The following CENPW variants were observed in gnomAD, a reference collection of about 807,000 sequenced individuals.
The protein encoded by CENPW is cancer-up-regulated gene 2 protein.
In CENPW, 3 loss-of-function variants were observed where a neutral mutation model predicts 11.1. That is an observed-to-expected ratio of 0.27 (90% CI 0.12 to 0.70). CENPW has a LOEUF of 0.70. Among genes scored for constraint, CENPW ranks in the 30% least tolerant of loss-of-function variants. The pLI, the probability that CENPW is intolerant of heterozygous loss-of-function variation, is 0.77. For missense variants in CENPW, 100 were observed against 105.6 expected (o/e 0.95, Z 0.23); for synonymous variants, 38 against 42.0 (o/e 0.91, Z 0.37).
the CENPW span, among the ~76,000 whole-genome samples, chr6:126,385,208 A>G: frequency 6.6e-6 from 1 of 152,160 alleles, no homozygotes; most frequent in African/African-American, 2.4e-5. Context: ...CAGTTCCTCA[A>G]AGAGCTAAAA....
downstream of CENPW, among the ~76,000 whole-genome samples, chr6:126,352,311 T>A (rs1408820985): frequency 1.3e-5 from 2 of 152,112 alleles, no homozygotes; most frequent in Non-Finnish European, 2.9e-5. Flanking sequence ...CTGTGTTAGA[T>A]AATTCTTGCC....
chr6:126,445,943 A>G, the CENPW span, among the ~76,000 whole-genome samples: 1 of 151,150 alleles, frequency 6.6e-6, no homozygotes, highest in African/African-American at 2.4e-5. Flanking sequence ...CATCAAGCCC[A>G]AATTGAACAC....
the CENPW span, among the ~76,000 whole-genome samples, chr6:126,402,850 T>A: frequency 6.6e-6 from 1 of 152,114 alleles, no homozygotes; most frequent in Admixed American, 6.6e-5. Context: ...ATTATTTTAT[T>A]GTGCTTCACT....
At chr6:126,381,976 G>C in the CENPW span, among the ~76,000 whole-genome samples, 2 of 152,164 alleles carry the variant, frequency 1.3e-5, no homozygotes, top group Non-Finnish European at 2.9e-5. Context: ...GCTCACACCT[G>C]TAATCCCAGC....
At chr6:126,446,651 A>G in the CENPW span, among the ~76,000 whole-genome samples, 1 of 151,138 alleles carries the variant, frequency 6.6e-6, no homozygotes, top group Non-Finnish European at 1.5e-5. Context: ...AAAATAAAAT[A>G]AGTAAATGAA....
At chr6:126,444,810 C>T in the CENPW span, among the ~76,000 whole-genome samples, 2 of 151,092 alleles carry the variant, frequency 1.3e-5, no homozygotes, top group Non-Finnish European at 3.0e-5. Flanking sequence ...ATTCCTCTTC[C>T]TGATTTTAAA....
At chr6:126,369,359 C>T in the CENPW span, among the ~76,000 whole-genome samples, 1 of 152,208 alleles carries the variant, frequency 6.6e-6, no homozygotes, top group African/African-American at 2.4e-5. Flanking sequence ...AATCTCCACA[C>T]TTTTCCATAG....
chr6:126,425,256 A>G, the CENPW span, among the ~76,000 whole-genome samples: 6 of 152,142 alleles, frequency 3.9e-5, no homozygotes, highest in Non-Finnish European at 7.4e-5. Context: ...ATAAAAATAC[A>G]AAAAAATTAC....
the CENPW span, among the ~76,000 whole-genome samples, chr6:126,388,479 CTTG>C: frequency 6.6e-6 from 1 of 151,952 alleles, no homozygotes; most frequent in Non-Finnish European, 1.5e-5. Flanking sequence ...TGAAGTGGTT[CTTG>C]TTGTCATAGT....
chr6:126,407,171 A>G, the CENPW span, among the ~76,000 whole-genome samples: 1 of 152,146 alleles, frequency 6.6e-6, no homozygotes, highest in Non-Finnish European at 1.5e-5. Context: ...TTTGTAAGTG[A>G]GAACATAATG....
the CENPW span, among the ~76,000 whole-genome samples, chr6:126,425,105 T>C: frequency 6.6e-6 from 1 of 152,132 alleles, no homozygotes; most frequent in African/African-American, 2.4e-5. Flanking sequence ...TATAGATATT[T>C]TATAGTTCTC....
chr6:126,388,734 A>G, the CENPW span, among the ~76,000 whole-genome samples: 1 of 152,092 alleles, frequency 6.6e-6, no homozygotes, highest in South Asian at 2.1e-4. Context: ...TTTCACTTGG[A>G]AAGAAGATGA....
chr6:126,348,381 C>A (rs1780448700), intron 2 of CENPW, 85 bp from the exon 3 acceptor site: 1 of 772,218 alleles, frequency 1.3e-6, no homozygotes, highest in Non-Finnish European at 2.3e-6. Flanking sequence ...ATATTATGCA[C>A]CCAGGACTAT....
the CENPW span, among the ~76,000 whole-genome samples, chr6:126,411,218 A>T: frequency 6.6e-6 from 1 of 152,162 alleles, no homozygotes; most frequent in Non-Finnish European, 1.5e-5. Context: ...AGGTGCAGTG[A>T]TGTAGTCTCT....
At chr6:126,351,758 T>A (rs531982817), downstream of CENPW, among the ~76,000 whole-genome samples, 1 of 152,020 alleles carries the variant, frequency 6.6e-6, no homozygotes, top group Admixed American at 6.6e-5. Context: ...CAACTGTGGG[T>A]TTCATTTTTT....
At chr6:126,458,209 C>T in the CENPW span, among the ~76,000 whole-genome samples, 1 of 151,300 alleles carries the variant, frequency 6.6e-6, no homozygotes, top group Non-Finnish European at 1.5e-5. Flanking sequence ...CCCATCAGCA[C>T]ATGTACAGCT....
At chr6:126,481,653 C>T in the CENPW span, among the ~76,000 whole-genome samples, 4 of 152,002 alleles carry the variant, frequency 2.6e-5, no homozygotes, top group Admixed American at 2.6e-4. Context: ...CTTGAAGGTC[C>T]CACTCTTAAT....
chr6:126,455,285 T>C, the CENPW span, among the ~76,000 whole-genome samples: 1 of 151,534 alleles, frequency 6.6e-6, no homozygotes, highest in East Asian at 1.9e-4. Context: ...ATATTCTTGA[T>C]AAATATAGAT....
chr6:126,480,394 CTG>C, the CENPW span, among the ~76,000 whole-genome samples: 1 of 152,078 alleles, frequency 6.6e-6, no homozygotes, highest in South Asian at 2.1e-4. Flanking sequence ...AAAATGAACT[CTG>C]TGGGTGGCCA....
Sources: gnomAD v4.1 joint callset for allele counts (sites outside exome capture counted in the v4.1 genomes callset) on GRCh38, gnomAD v4.1.1 for gene constraint, MANE v1.5 for transcripts, NCBI Gene and HGNC (gene_info 2026-07-23, HGNC 2026-07-21) for gene names.